DLC1: variants seen among roughly 807,000 people sequenced by gnomAD.
DLC1 encodes DLC1 Rho GTPase activating protein.
Under a neutral mutation model 140.3 loss-of-function variants are expected in DLC1, and 54 were observed. That is an observed-to-expected ratio of 0.38 (90% confidence interval 0.31 to 0.48). The LOEUF is 0.48. DLC1 is among the 20% of genes least tolerant of loss of function. DLC1 has a pLI of 0.96. For missense variants in DLC1, 2,536 were observed against 1,907.0 expected, an observed-to-expected ratio of 1.33 and a Z score of -6.14; for synonymous variants, 986 against 728.1, an observed-to-expected ratio of 1.35 and a Z score of -5.70.
upstream of DLC1, among the ~76,000 whole-genome samples, chr8:13,516,949 A>G (rs1044506483): frequency 3.3e-5 from 5 of 152,288 alleles, no homozygotes; most frequent in East Asian, 9.7e-4. Context: ...TTTTCTCCAT[A>G]AACTGCCTTC....
At chr8:13,501,699 T>G (rs1801831296) in intron 1 of DLC1, among the ~76,000 whole-genome samples, 1 of 152,182 alleles carries the variant, frequency 6.6e-6, no homozygotes, top group African/African-American at 2.4e-5. Flanking sequence ...TGACCAAGTA[T>G]CTTTCTGGAT....
intron 3 of DLC1, among the ~76,000 whole-genome samples, chr8:13,396,003 G>A (rs1229499601): frequency 6.6e-6 from 1 of 151,372 alleles, no homozygotes; most frequent in African/African-American, 2.4e-5. Context: ...TAATTTATAA[G>A]CCATTTATAT....
chr8:13,347,780 T>C (rs917432330), intron 4 of DLC1, among the ~76,000 whole-genome samples: 1 of 152,136 alleles, frequency 6.6e-6, no homozygotes. Flanking sequence ...AGGTGCTTTT[T>C]ATAAGAATAC....
At chr8:13,193,967 T>C (rs1299308722) in intron 5 of DLC1, among the ~76,000 whole-genome samples, 1 of 152,170 alleles carries the variant, frequency 6.6e-6, no homozygotes, top group Non-Finnish European at 1.5e-5. Context: ...ACTGTGCTTC[T>C]TTATTAGCAT....
intron 1 of DLC1, among the ~76,000 whole-genome samples, chr8:13,602,142 A>ATGTT (rs1470395677): frequency 1.1e-3 from 170 of 151,984 alleles, no homozygotes; most frequent in African/African-American, 4.0e-3. Context: ...AATCAGAGGA[A>ATGTT]CATGTTAAAC....
chr8:13,519,265 C>G (rs536555341), upstream of DLC1, among the ~76,000 whole-genome samples: 1 of 151,936 alleles, frequency 6.6e-6, no homozygotes, highest in African/African-American at 2.4e-5. Flanking sequence ...GTAGCTGGGA[C>G]TACTGGCACC....
At chr8:13,587,527 C>G (rs1487804564) in intron 1 of DLC1, among the ~76,000 whole-genome samples, 5 of 146,256 alleles carry the variant, frequency 3.4e-5, no homozygotes, top group Admixed American at 6.9e-5. Flanking sequence ...AAGCTTTGAA[C>G]AGCACAAATG....
At chr8:13,279,286 T>A (rs570060816) in intron 5 of DLC1, among the ~76,000 whole-genome samples, 3 of 152,284 alleles carry the variant, frequency 2.0e-5, no homozygotes, top group South Asian at 4.1e-4. Flanking sequence ...ACCAAAGTGT[T>A]ATAAAACAAC....
At chr8:13,478,958 C>T (rs2219984) in intron 2 of DLC1, among the ~76,000 whole-genome samples, 110,028 of 152,112 alleles carry the variant, frequency 0.72, 41,839 homozygotes, top group Middle Eastern at 0.87. Flanking sequence ...TTCTGGTCTA[C>T]TTGGGTCTAT....
chr8:13,459,536 G>A (rs1438088280), intron 2 of DLC1, among the ~76,000 whole-genome samples: 1 of 152,074 alleles, frequency 6.6e-6, no homozygotes, highest in Non-Finnish European at 1.5e-5. Context: ...AATAAGTATT[G>A]TCTCTCTGTT....
Position 13,434,572 on chromosome 8 carries a change from G to A in DLC1, c.1024-32953C>T, listed in dbSNP as rs1280986215. ...ATTTGGCTGGGGACCTAGGTTAAGT[G>A]TTGGCAAGGTGACTTACAAGGAAAT... is the stretch of plus-strand genomic sequence containing the variant. On this transcript the variant is annotated intron_variant, in intron 2 of 17. Transcript: ENST00000276297. 3.3e-5 allele frequency among the ~76,000 whole-genome samples: 5 copies of A among 152,292 alleles called. No homozygotes were observed. The South Asian group carries it at 8.3e-4, about 25-fold the overall frequency.
chr8:13,289,020 C>T (rs112560220), intron 5 of DLC1, among the ~76,000 whole-genome samples: 7,678 of 152,200 alleles, frequency 0.05, 239 homozygotes, highest in South Asian at 0.12. Context: ...ATTAGGTGCT[C>T]TGTGTGTGAC....
At chr8:13,216,504 C>T (rs907379072) in intron 5 of DLC1, among the ~76,000 whole-genome samples, 1 of 152,170 alleles carries the variant, frequency 6.6e-6, no homozygotes, top group Non-Finnish European at 1.5e-5. Context: ...CCCCAACTGG[C>T]AGCACTCTTA....
At chr8:13,276,374 C>T in intron 5 of DLC1, 1 of 1,519,572 alleles carries the variant, frequency 6.6e-7, no homozygotes, top group Non-Finnish European at 8.8e-7. Flanking sequence ...GGGGGCGCGC[C>T]ATCACGTGGG....
chr8:13,351,999 G>T (rs1315152947), intron 4 of DLC1, among the ~76,000 whole-genome samples: 1 of 152,198 alleles, frequency 6.6e-6, no homozygotes, highest in Non-Finnish European at 1.5e-5. Context: ...CTCCCAAAGT[G>T]CTGGGATTAC....
chr8:13,199,346 G>A (rs1451677425), intron 5 of DLC1, among the ~76,000 whole-genome samples: 1 of 151,812 alleles, frequency 6.6e-6, no homozygotes, highest in Non-Finnish European at 1.5e-5. Context: ...ACCACACCTG[G>A]CTGATTTTTA....
At chr8:13,375,921 T>A (rs1296077669) in intron 4 of DLC1, among the ~76,000 whole-genome samples, 1 of 152,164 alleles carries the variant, frequency 6.6e-6, no homozygotes, top group African/African-American at 2.4e-5. Context: ...CAACATCGGC[T>A]ACAAAATATC....
chr8:13,341,415 G>T, intron 4 of DLC1: 1 of 152,058 alleles, frequency 6.6e-6, no homozygotes, highest in Non-Finnish European at 1.5e-5. Context: ...TCACAAGGAG[G>T]GCCTGTTAAA....
At chr8:13,320,272 G>C (rs980742470) in intron 4 of DLC1, among the ~76,000 whole-genome samples, 2 of 151,954 alleles carry the variant, frequency 1.3e-5, no homozygotes, top group African/African-American at 4.8e-5. Context: ...TATCCATTTG[G>C]GATATTTGGT....
Sources: gnomAD v4.1 joint callset for allele counts (sites outside exome capture counted in the v4.1 genomes callset) on GRCh38, gnomAD v4.1.1 for gene constraint, MANE v1.5 for transcripts, NCBI Gene and HGNC (gene_info 2026-07-23, HGNC 2026-07-21) for gene names.